Variants in MAGI3 observed in about 807,000 individuals in gnomAD.
MAGI3 encodes the protein membrane-associated guanylate kinase, WW and PDZ domain-containing protein 3.
MAGI3 carries 43 observed loss-of-function variants against 121.8 expected under a neutral mutation model. That is an observed-to-expected ratio of 0.35 (90% CI 0.28 to 0.46). The LOEUF (loss-of-function observed/expected upper bound fraction) is 0.46. Ranked by LOEUF, MAGI3 falls within the 20% of genes least tolerant of loss-of-function variation. The pLI, the probability that MAGI3 is intolerant of heterozygous loss-of-function variation, is 1.00. For missense variants in MAGI3, 1,547 were observed against 1,797.3 expected, an observed-to-expected ratio of 0.86 and a Z score of 2.52; for synonymous variants, 553 against 639.3, an observed-to-expected ratio of 0.86 and a Z score of 2.04.
chr1:113,439,889 CA>C (rs1653826918), intron 1 of MAGI3, among the ~76,000 whole-genome samples: 2 of 150,676 alleles, frequency 1.3e-5, no homozygotes, highest in Admixed American at 1.4e-4. Flanking sequence ...GGACTCGAAC[CA>C]AGGCCTGTTT....
At chr1:113,488,038 A>AT in intron 1 of MAGI3, among the ~76,000 whole-genome samples, 1 of 152,252 alleles carries the variant, frequency 6.6e-6, no homozygotes, top group East Asian at 1.9e-4. Flanking sequence ...ATCTTCCTTA[A>AT]TTTTTTATCC....
intron 19 of MAGI3, among the ~76,000 whole-genome samples, chr1:113,680,423 A>AT (rs1648141639): frequency 6.6e-6 from 1 of 152,312 alleles, no homozygotes; most frequent in South Asian, 2.1e-4. Flanking sequence ...TTACTCACGC[A>AT]TAAAAACCCT....
chr1:113,630,812 G>A (rs901417754), intron 9 of MAGI3, among the ~76,000 whole-genome samples: 2 of 152,028 alleles, frequency 1.3e-5, no homozygotes, highest in African/African-American at 4.8e-5. Context: ...GAGAGGTGGC[G>A]TAAGCACTCC....
In MAGI3 at chr1:113,685,578, A is replaced by ATAG. The variant is rs1557894016; in HGVS notation, c.*1564_*1565insTAG. ...TTTACCCACCTATTGTAACTATTCA[A>ATAG]ATAGAGCAAAATTAGGAGGCTTGAT... On this transcript the variant is annotated 3_prime_UTR_variant, in exon 21 of 21. Coordinates refer to ENST00000307546, the MANE Select transcript of MAGI3 (RefSeq NM_001142782.2). 3.9e-5 allele frequency: 6 copies of ATAG among 152,176 alleles called. No homozygotes were observed. The highest frequency in any genetic ancestry group is 1.2e-4 in the African/African-American group (5 of 41,372). 9.4% of individuals were successfully genotyped at this position (152,176 alleles called of 1,614,324 possible).
At chr1:113,543,225 G>A (rs957427808) in intron 1 of MAGI3, among the ~76,000 whole-genome samples, 1 of 152,016 alleles carries the variant, frequency 6.6e-6, no homozygotes, top group Admixed American at 6.6e-5. Flanking sequence ...CAAATGGTTA[G>A]CTTAGCCTTA....
At chr1:113,676,776 C>T (rs930919837) in intron 19 of MAGI3, among the ~76,000 whole-genome samples, 1 of 152,118 alleles carries the variant, frequency 6.6e-6, no homozygotes, top group Non-Finnish European at 1.5e-5. Flanking sequence ...TGCCTCTCCT[C>T]TTCTCCCTTT....
rs71090716 is a variant in MAGI3, at chr1:113,633,238, ATTTTTTTTTTTTTTTTTTTTTTTTTTT to A, written c.1361-8658_1361-8632del. Among the ~76,000 whole-genome samples the A allele has an allele frequency of 3.3e-3, 187 of 56,666 alleles. 5 individuals are homozygous for A. Among genetic ancestry groups the A allele is most frequent in the Non-Finnish European group, 5.1e-3 (157 of 30,900 alleles). The allele number at this position is 56,666 out of a possible 152,430, so 37.2% of individuals were successfully genotyped here. A position where few individuals can be genotyped will look rare whatever the true frequency, so the allele number is the denominator to read the frequency against. The stretch of plus-strand genomic sequence containing the variant: ...TCCCTACAAAGGACATGAACTCATC[ATTTTTTTTTTTTTTTTTTTTTTTTTTT>A]TTTTTTTTTTTTTTGAGACGGAGTC... On this transcript the variant is annotated intron_variant, in intron 9 of 20. Coordinates refer to ENST00000307546, the MANE Select transcript of MAGI3 (RefSeq NM_001142782.2).
At chr1:113,617,136 G>T (rs969620208) in intron 7 of MAGI3, among the ~76,000 whole-genome samples, 1 of 152,052 alleles carries the variant, frequency 6.6e-6, no homozygotes, top group Non-Finnish European at 1.5e-5. Flanking sequence ...TGATCCACCC[G>T]CCTCGGCCTC....
At chr1:113,414,047 G>A (rs760005748) in intron 1 of MAGI3, among the ~76,000 whole-genome samples, 1 of 152,020 alleles carries the variant, frequency 6.6e-6, no homozygotes, top group Non-Finnish European at 1.5e-5. Flanking sequence ...TTTGAGATAC[G>A]TTCCATGAAT....
intron 15 of MAGI3, among the ~76,000 whole-genome samples, chr1:113,655,705 T>C (rs1027469620): frequency 2.6e-5 from 4 of 152,192 alleles, no homozygotes; most frequent in Non-Finnish European, 5.9e-5. Context: ...GTCCTGCTTA[T>C]GTCTTTTAAT....
At chr1:113,659,375 T>C in intron 16 of MAGI3, 110 bp downstream of exon 16, 2 of 903,490 alleles carry the variant, frequency 2.2e-6, no homozygotes, top group Non-Finnish European at 3.3e-6. Context: ...GATATAACTG[T>C]GTATGCACGC....
At chr1:113,628,806 G>T (rs1317642356) in intron 9 of MAGI3, among the ~76,000 whole-genome samples, 2 of 152,062 alleles carry the variant, frequency 1.3e-5, no homozygotes, top group African/African-American at 2.4e-5. Context: ...TCCTTTGTAT[G>T]TTACTTGTTT....
intron 1 of MAGI3, among the ~76,000 whole-genome samples, chr1:113,533,162 G>A (rs1259080031): frequency 6.6e-6 from 1 of 152,058 alleles, no homozygotes; most frequent in African/African-American, 2.4e-5. Flanking sequence ...TTTAGCTTTA[G>A]TCATAGACCT....
chr1:113,487,880 AT>A lies in MAGI3; in HGVS notation c.317-61634del, dbSNP rs1470687428. Among the ~76,000 whole-genome samples, 3 of 152,072 alleles carry A rather than the reference AT, an allele frequency of 2.0e-5. No individual in the cohort carries two copies. The East Asian group carries it at 5.8e-4, about 29-fold the overall frequency. On this transcript the variant is annotated intron_variant, in intron 1 of 20. Coordinates refer to ENST00000307546, the MANE Select transcript of MAGI3 (RefSeq NM_001142782.2). Reference sequence around the variant, plus strand: ...TTTTGCAAGCAATTTTATTGGCAGCATAATATTATATTGAGTAGTTGTGGCA... The same window carrying A: ...TTTTGCAAGCAATTTTATTGGCAGCAAATATTATATTGAGTAGTTGTGGCA...
intron 1 of MAGI3, among the ~76,000 whole-genome samples, chr1:113,451,745 G>C (rs1654496396): frequency 1.3e-5 from 2 of 152,110 alleles, no homozygotes; most frequent in South Asian, 4.1e-4. Context: ...TTTCATCTGT[G>C]CAGTGGTTTT....
chr1:113,453,163 T>A (rs927587896), intron 1 of MAGI3, among the ~76,000 whole-genome samples: 2 of 152,188 alleles, frequency 1.3e-5, no homozygotes, highest in South Asian at 4.1e-4. Flanking sequence ...GGTTGATTAA[T>A]TGAAAATGAC....
intron 15 of MAGI3, among the ~76,000 whole-genome samples, chr1:113,656,628 G>C (rs1479796054): frequency 2.0e-5 from 3 of 152,048 alleles, no homozygotes; most frequent in Non-Finnish European, 2.9e-5. Context: ...TGTTGGCCAG[G>C]CTGGTCTCAA....
chr1:113,609,372 C>T (rs539846113), intron 6 of MAGI3, among the ~76,000 whole-genome samples: 1 of 152,210 alleles, frequency 6.6e-6, no homozygotes, highest in Admixed American at 6.5e-5. Flanking sequence ...ATGCCCTTTT[C>T]TTCCCAGTCT....
chr1:113,504,314 G>T (rs1020975781), intron 1 of MAGI3, among the ~76,000 whole-genome samples: 1 of 152,032 alleles, frequency 6.6e-6, no homozygotes, highest in African/African-American at 2.4e-5. Context: ...TTGTAACAGA[G>T]ATGCCAGATA....
Sources: gnomAD v4.1 joint callset for allele counts (sites outside exome capture counted in the v4.1 genomes callset) on GRCh38, gnomAD v4.1.1 for gene constraint, MANE v1.5 for transcripts, NCBI Gene and HGNC (gene_info 2026-07-23, HGNC 2026-07-21) for gene names.